PIK3R1: variants seen among roughly 807,000 people sequenced by gnomAD.
PIK3R1 encodes phosphatidylinositol 3-kinase regulatory subunit alpha.
Under a neutral mutation model 98.0 loss-of-function variants are expected in PIK3R1, and 29 were observed. That is an observed-to-expected ratio of 0.30 (90% CI 0.22 to 0.40). The LOEUF is 0.40. Ranked by LOEUF, PIK3R1 falls within the 10% of genes least tolerant of loss-of-function variation. PIK3R1 has a pLI of 1.00. For synonymous variants in PIK3R1, 282 were observed against 311.8 expected (o/e 0.90, Z 1.01); for missense variants, 596 against 872.7 (o/e 0.68, Z 3.99).
intron 3 of PIK3R1, 33 bp downstream of exon 3, chr5:68,273,515 T>C: frequency 6.7e-7 from 1 of 1,503,498 alleles, no homozygotes; most frequent in Non-Finnish European, 9.3e-7. Context: ...TCAGTTCCTT[T>C]GTTCTACCCT....
chr5:68,257,909 C>T (rs998481306), intron 2 of PIK3R1, among the ~76,000 whole-genome samples: 2 of 152,234 alleles, frequency 1.3e-5, no homozygotes, highest in Non-Finnish European at 2.9e-5. Flanking sequence ...AGTTTGGGAA[C>T]TGCTTGCCAC....
intron 2 of PIK3R1, among the ~76,000 whole-genome samples, chr5:68,255,860 G>A (rs901791912): frequency 3.9e-5 from 6 of 152,206 alleles, no homozygotes; most frequent in Non-Finnish European, 7.3e-5. Flanking sequence ...CTTTGGGTCT[G>A]CAAGACGTTT....
rs1177768106 is a variant in PIK3R1 at position 68,299,645 on chromosome 5, T to G, written c.*2044T>G. 4.3e-6 allele frequency: 1 copy of G among 233,132 alleles called. No homozygotes were observed. The highest frequency in any genetic ancestry group is 8.5e-6 in the Non-Finnish European group (1 of 118,022). The allele number at this position is 233,132 out of a possible 1,614,324, so 14.4% of individuals were successfully genotyped here. A position where few individuals can be genotyped will look rare whatever the true frequency, so the allele number is the denominator to read the frequency against. On this transcript the variant is annotated 3_prime_UTR_variant, in exon 16 of 16. Transcript: ENST00000521381. Reference sequence around the variant, plus strand: ...ATTTCAAATTACTCTTTCTCCATATTAGATTTACCCACAGCTATATTTCTG... The same window carrying G: ...ATTTCAAATTACTCTTTCTCCATATGAGATTTACCCACAGCTATATTTCTG...
chr5:68,229,496 T>C (rs1041067235), intron 2 of PIK3R1, among the ~76,000 whole-genome samples: 2 of 152,180 alleles, frequency 1.3e-5, no homozygotes, highest in African/African-American at 2.4e-5. Context: ...ATGCTGTGTT[T>C]ATTGCATTTA....
At position 68,299,171 on chromosome 5, in the gene PIK3R1, T is replaced by TAATC; in HGVS notation, c.*1572_*1575dup. 4.3e-6 allele frequency: 1 copy of TAATC among 233,568 alleles called. No homozygotes were observed. The allele number at this position is 233,568 out of a possible 1,614,324, so 14.5% of individuals were successfully genotyped here. A position where few individuals can be genotyped will look rare whatever the true frequency, so the allele number is the denominator to read the frequency against. ...TGTTTAGAACACTGGTTTAAAGGGA[T>TAATC]AATCATCTCTGTCACATTAGACTAT... On this transcript the variant is annotated 3_prime_UTR_variant, in exon 16 of 16. Transcript: ENST00000521381.
At chr5:68,229,995 G>C (rs1744411105) in intron 2 of PIK3R1, among the ~76,000 whole-genome samples, 1 of 152,198 alleles carries the variant, frequency 6.6e-6, no homozygotes, top group Non-Finnish European at 1.5e-5. Context: ...CTTATTTTGT[G>C]CTGGAAAGCA....
intron 2 of PIK3R1, among the ~76,000 whole-genome samples, chr5:68,263,225 A>T: frequency 7.2e-6 from 1 of 139,126 alleles, no homozygotes; most frequent in South Asian, 2.2e-4. Context: ...TTCTACATAT[A>T]TATCTATATA....
chr5:68,295,308 A>G lies in PIK3R1; in HGVS notation c.1729A>G (p.Arg577Gly). 1 of 1,614,116 alleles carries G rather than the reference A, an allele frequency of 6.2e-7. No individual in the cohort carries two copies. Among genetic ancestry groups the G allele is most frequent in the Non-Finnish European group, 8.5e-7 (1 of 1,179,942 alleles). ...KPDLIQLRKT[R>G]DQYLMWLTQK... is the part of the protein sequence containing the mutation. Reference sequence around the variant, plus strand: ...AGACCTTATCCAGCTGAGAAAGACGAGAGACCAATACTTGATGTAAGTATT... The same window carrying G: ...AGACCTTATCCAGCTGAGAAAGACGGGAGACCAATACTTGATGTAAGTATT... The change falls in exon 13 of 16, where the codon AGA becomes GGA. Residue 577 changes from arginine to glycine, a missense_variant. Arg to Gly is a moderately radical substitution (Grantham distance 125). Transcript: ENST00000521381.
At chr5:68,222,876 T>A (rs1744139179) in intron 1 of PIK3R1, among the ~76,000 whole-genome samples, 1 of 152,148 alleles carries the variant, frequency 6.6e-6, no homozygotes, top group Admixed American at 6.6e-5. Context: ...CTTACAGAGC[T>A]AGACTGCCTG....
chr5:68,262,498 A>G (rs1580216945), intron 2 of PIK3R1, among the ~76,000 whole-genome samples: 1 of 138,758 alleles, frequency 7.2e-6, no homozygotes, highest in African/African-American at 2.7e-5. Flanking sequence ...ATGTATACAT[A>G]TATCTATATA....
rs1258428339 is a variant in PIK3R1 at position 68,299,538 on chromosome 5, C to A, written c.*1937C>A. ...CAAAAGCTGGTATGTTCAGTAGGAA[C>A]TGTACATGTGTTGGGAGGCATAAAG... On this transcript the variant is annotated 3_prime_UTR_variant, in exon 16 of 16. Coordinates refer to ENST00000521381, the MANE Select transcript of PIK3R1 (RefSeq NM_181523.3). 1 of 233,100 alleles carries A rather than the reference C, an allele frequency of 4.3e-6. No homozygotes were observed. Among genetic ancestry groups the A allele is most frequent in the African/African-American group, 2.2e-5 (1 of 45,326 alleles). 14.4% of individuals were successfully genotyped at this position (233,100 alleles called of 1,614,324 possible).
intron 4 of PIK3R1, among the ~76,000 whole-genome samples, chr5:68,277,273 A>G (rs1746616433): frequency 6.6e-6 from 1 of 152,192 alleles, no homozygotes; most frequent in Non-Finnish European, 1.5e-5. Flanking sequence ...TTTATTTGAC[A>G]GTATTTAATT....
chr5:68,281,407 G>A (rs1394395634), intron 7 of PIK3R1, among the ~76,000 whole-genome samples: 1 of 152,096 alleles, frequency 6.6e-6, no homozygotes, highest in Non-Finnish European at 1.5e-5. Flanking sequence ...TTTTGGAAGT[G>A]GGTATGCTGA....
intron 2 of PIK3R1, among the ~76,000 whole-genome samples, chr5:68,256,252 C>T (rs749860532): frequency 4.6e-5 from 7 of 152,100 alleles, no homozygotes; most frequent in African/African-American, 7.2e-5. Flanking sequence ...TTTGTTGAGA[C>T]GGAGTCTCGC....
chr5:68,241,244 T>A (rs72757665), intron 2 of PIK3R1, among the ~76,000 whole-genome samples: 13,965 of 152,150 alleles, frequency 0.092, 834 homozygotes, highest in Non-Finnish European at 0.13. Context: ...GTTTATAAGG[T>A]TTAAAAAGAA....
At chr5:68,286,076 A>T (rs558319144) in intron 7 of PIK3R1, among the ~76,000 whole-genome samples, 39 of 152,358 alleles carry the variant, frequency 2.6e-4, no homozygotes, top group African/African-American at 9.1e-4. Flanking sequence ...TGACTTGTAC[A>T]TATGAAATAT....
At chr5:68,251,731 A>T (rs1745317081) in intron 2 of PIK3R1, among the ~76,000 whole-genome samples, 1 of 152,058 alleles carries the variant, frequency 6.6e-6, no homozygotes, top group African/African-American at 2.4e-5. Context: ...ACACTTTTCC[A>T]TTCTTCAGAC....
At chr5:68,244,149 C>G (rs1325529379) in intron 2 of PIK3R1, among the ~76,000 whole-genome samples, 1 of 152,108 alleles carries the variant, frequency 6.6e-6, no homozygotes, top group Non-Finnish European at 1.5e-5. Flanking sequence ...TATATAAAAA[C>G]CTTTTTAAAC....
chr5:68,262,935 A>G (rs1340587668), intron 2 of PIK3R1, among the ~76,000 whole-genome samples: 24 of 88,060 alleles, frequency 2.7e-4, no homozygotes, highest in East Asian at 2.6e-3. Flanking sequence ...ATGTATACAT[A>G]TATACATGTA....
Sources: gnomAD v4.1 joint callset for allele counts (sites outside exome capture counted in the v4.1 genomes callset) on GRCh38, gnomAD v4.1.1 for gene constraint, MANE v1.5 for transcripts, NCBI Gene and HGNC (gene_info 2026-07-23, HGNC 2026-07-21) for gene names.